The following DIPK1A variants were observed in gnomAD, a reference collection of about 807,000 sequenced individuals.
DIPK1A encodes the protein family with sequence similarity 69 member A.
DIPK1A carries 27 observed loss-of-function variants against 40.8 expected under a neutral mutation model. That is an observed-to-expected ratio of 0.66 (90% CI 0.49 to 0.91). DIPK1A has a LOEUF of 0.91. DIPK1A is among the 40% of genes least tolerant of loss of function. DIPK1A has a pLI of 0.00. For missense variants in DIPK1A, 412 were observed against 505.7 expected, an observed-to-expected ratio of 0.81 and a Z score of 1.78; for synonymous variants, 166 against 171.3, an observed-to-expected ratio of 0.97 and a Z score of 0.24.
chr1:92,931,393 A>C, intron 1 of DIPK1A: 1 of 239,822 alleles, frequency 4.2e-6, no homozygotes, highest in Non-Finnish European at 8.8e-6. Context: ...AGCCTGCATG[A>C]TGGAAACATT....
At chr1:92,961,274 A>T (rs1652077269) in intron 1 of DIPK1A, 102 bp downstream of exon 1, 2 of 812,846 alleles carry the variant, frequency 2.5e-6, no homozygotes, top group Non-Finnish European at 3.6e-6. Context: ...GGGCGGGCAC[A>T]GACCCAGGGA....
rs150023492 is a variant in DIPK1A, at chr1:92,862,950, T to C, written c.190-11995A>G. 1.8e-3 allele frequency among the ~76,000 whole-genome samples: 275 copies of C among 152,328 alleles called. 2 individuals carry two copies. The highest frequency in any genetic ancestry group is 6.2e-3 in the African/African-American group (259 of 41,568). On this transcript the variant is annotated intron_variant, in intron 2 of 4. Coordinates refer to ENST00000370310, the MANE Select transcript of DIPK1A (RefSeq NM_001006605.5). ...CCTTCTGGGACCTTCTTCATTAGGG[T>C]TGCCGAGCAAAATACTGCTTAGGAT...
intron 1 of DIPK1A, among the ~76,000 whole-genome samples, chr1:92,939,961 AC>A (rs66515319): frequency 0.3 from 45,791 of 150,608 alleles, 7,274 homozygotes; most frequent in Non-Finnish European, 0.36. Context: ...CAAAAAAAAA[AC>A]AACTATATTT....
At chr1:92,900,283 A>G (rs760575458) in intron 1 of DIPK1A, among the ~76,000 whole-genome samples, 6 of 149,860 alleles carry the variant, frequency 4.0e-5, no homozygotes, top group Non-Finnish European at 8.9e-5. Flanking sequence ...TAAGTCTTGC[A>G]GGCTTTCTTC....
chr1:92,945,450 C>T (rs1310548054), intron 1 of DIPK1A, among the ~76,000 whole-genome samples: 2 of 152,132 alleles, frequency 1.3e-5, no homozygotes, highest in African/African-American at 4.8e-5. Context: ...AGGGTCATTA[C>T]CCTGGCCCCA....
intron 1 of DIPK1A, among the ~76,000 whole-genome samples, chr1:92,897,884 A>T (rs565684976): frequency 2.4e-4 from 37 of 152,272 alleles, no homozygotes; most frequent in Non-Finnish European, 8.8e-5. Flanking sequence ...GGATCGCTTG[A>T]GGTCAGGAGT....
intron 2 of DIPK1A, among the ~76,000 whole-genome samples, chr1:92,872,389 T>A (rs1647916912): frequency 6.6e-6 from 1 of 152,134 alleles, no homozygotes; most frequent in East Asian, 1.9e-4. Context: ...GCCTTGATTC[T>A]TTTTTATATA....
chr1:92,872,337 C>T (rs1331668987), intron 2 of DIPK1A, among the ~76,000 whole-genome samples: 1 of 151,956 alleles, frequency 6.6e-6, no homozygotes, highest in Non-Finnish European at 1.5e-5. Flanking sequence ...CCACCTTGGC[C>T]TCCCAAAGTG....
intron 1 of DIPK1A, among the ~76,000 whole-genome samples, chr1:92,950,407 A>G (rs985110580): frequency 6.6e-6 from 1 of 152,072 alleles, no homozygotes; most frequent in South Asian, 2.1e-4. Context: ...CTCTGCATAG[A>G]CTCCTAAAGG....
At chr1:92,954,343 A>C (rs1412804891) in intron 1 of DIPK1A, among the ~76,000 whole-genome samples, 1 of 150,998 alleles carries the variant, frequency 6.6e-6, no homozygotes, top group Non-Finnish European at 1.5e-5. Flanking sequence ...GGATATGTTA[A>C]AAATATTAAC....
chr1:92,860,481 T>C (rs1647213695), intron 2 of DIPK1A, among the ~76,000 whole-genome samples: 1 of 151,962 alleles, frequency 6.6e-6, no homozygotes, highest in South Asian at 2.1e-4. Flanking sequence ...TGCAAGTTGA[T>C]AGAGCACTTA....
At chr1:92,833,823 T>C in intron 4 of DIPK1A, 1 of 630,636 alleles carries the variant, frequency 1.6e-6, no homozygotes, top group Non-Finnish European at 2.8e-6. Context: ...CCTGGGAACT[T>C]GGTACTTTAA....
At chr1:92,900,317 T>TC (rs2100819909) in intron 1 of DIPK1A, among the ~76,000 whole-genome samples, 1 of 151,866 alleles carries the variant, frequency 6.6e-6, no homozygotes, top group Non-Finnish European at 1.5e-5. Context: ...CTTACTTTTT[T>TC]TTCCCCCTGA....
chr1:92,843,469 T>A lies in DIPK1A; in HGVS notation c.1201A>T (p.Asn401Tyr), dbSNP rs1018127276. The A allele has an allele frequency of 1.9e-5, 30 of 1,551,410 alleles. No individual in the cohort carries two copies. Among genetic ancestry groups the A allele is most frequent in the African/African-American group, 2.7e-5 (2 of 73,058 alleles). ...YSCIALKVTA[N>Y]QMEMEHSLIL... ...AAAGAATGTTCCATTTCCATTTGATTTGCTGTGACTTTGAGAGCAATACAA... is the reference window on the plus strand; with the variant it reads ...AAAGAATGTTCCATTTCCATTTGATATGCTGTGACTTTGAGAGCAATACAA... The change falls in exon 5 of 5, where the codon AAT (asparagine) becomes TAT (tyrosine). Residue 401 changes from asparagine (N) to tyrosine (Y), a missense_variant. Physicochemically the swap from Asn to Tyr is moderately radical, Grantham distance 143 (BLOSUM62 -2). Transcript: ENST00000370310.
At chr1:92,877,099 T>C in intron 1 of DIPK1A, 5 of 985,428 alleles carry the variant, frequency 5.1e-6, no homozygotes, top group Non-Finnish European at 6.0e-6. Context: ...AGTTACTCTT[T>C]GCATATCAAC....
intron 1 of DIPK1A, among the ~76,000 whole-genome samples, chr1:92,954,864 T>G (rs1651782815): frequency 6.6e-6 from 1 of 152,132 alleles, no homozygotes; most frequent in Non-Finnish European, 1.5e-5. Flanking sequence ...ACTGGGGCAC[T>G]CCACAAAAAA....
intron 2 of DIPK1A, among the ~76,000 whole-genome samples, chr1:92,859,080 T>C (rs766575335): frequency 8.5e-5 from 13 of 152,074 alleles, no homozygotes; most frequent in South Asian, 2.1e-4. Flanking sequence ...CCCACCCGAG[T>C]TGAATGAATA....
chr1:92,943,542 A>G (rs932156983), intron 1 of DIPK1A, among the ~76,000 whole-genome samples: 1 of 151,990 alleles, frequency 6.6e-6, no homozygotes, highest in East Asian at 1.9e-4. Context: ...CACAGAGATC[A>G]TAGGCAGCCT....
intron 1 of DIPK1A, among the ~76,000 whole-genome samples, chr1:92,943,244 C>T (rs1557495127): frequency 6.6e-6 from 1 of 152,176 alleles, no homozygotes; most frequent in Admixed American, 6.5e-5. Flanking sequence ...TTTCTAGTTT[C>T]AAAAAGCAAA....
Sources: gnomAD v4.1 joint callset for allele counts (sites outside exome capture counted in the v4.1 genomes callset) on GRCh38, gnomAD v4.1.1 for gene constraint, MANE v1.5 for transcripts, NCBI Gene and HGNC (gene_info 2026-07-23, HGNC 2026-07-21) for gene names.